The following PSD3 variants were observed in gnomAD, a reference collection of about 807,000 sequenced individuals.
PSD3 encodes PH and SEC7 domain-containing protein 3.
In PSD3, 49 loss-of-function variants were observed where a neutral mutation model predicts 105.5. The observed-to-expected ratio is 0.46, with a 90% CI of 0.37 to 0.59. PSD3 has a LOEUF of 0.59. PSD3 is among the 20% of genes least tolerant of loss of function. The pLI, the probability that PSD3 is intolerant of heterozygous loss-of-function variation, is 0.00. For synonymous variants in PSD3, 557 were observed against 457.8 expected (o/e 1.22, Z -2.77); for missense variants, 1,561 against 1,263.8 (o/e 1.24, Z -3.57).
chr8:18,776,678 G>A (rs146442756), intron 8 of PSD3, among the ~76,000 whole-genome samples: 145 of 152,190 alleles, frequency 9.5e-4, no homozygotes, highest in African/African-American at 3.1e-3. Flanking sequence ...ATCTGGCCTG[G>A]TTCTTCTTTA....
At chr8:18,900,643 CTTTTT>C (rs34004085) in intron 2 of PSD3, among the ~76,000 whole-genome samples, 2 of 83,970 alleles carry the variant, frequency 2.4e-5, no homozygotes, top group Non-Finnish European at 2.2e-5. Context: ...AGAGACAACT[CTTTTT>C]TTTTTTTTTT....
chr8:18,880,412 G>A (rs1474116346), intron 2 of PSD3, among the ~76,000 whole-genome samples: 3 of 152,164 alleles, frequency 2.0e-5, no homozygotes, highest in Non-Finnish European at 4.4e-5. Flanking sequence ...TAGAAAGCTC[G>A]CCTTGGTGGA....
intron 2 of PSD3, among the ~76,000 whole-genome samples, chr8:18,906,022 T>G (rs1278835956): frequency 1.3e-5 from 2 of 152,218 alleles, no homozygotes; most frequent in African/African-American, 4.8e-5. Flanking sequence ...AGAGATTATT[T>G]TATAGTAAAC....
intron 8 of PSD3, among the ~76,000 whole-genome samples, chr8:18,782,302 C>A (rs962828482): frequency 9.2e-5 from 14 of 151,982 alleles, no homozygotes; most frequent in Admixed American, 4.6e-4. Context: ...CTTCATCCAA[C>A]TCTATGGATT....
intron 1 of PSD3, among the ~76,000 whole-genome samples, chr8:19,067,175 T>G (rs1334763320): frequency 6.6e-6 from 1 of 152,216 alleles, no homozygotes; most frequent in African/African-American, 2.4e-5. Flanking sequence ...ATCAGTATTG[T>G]GCTGTGCCTT....
intron 10 of PSD3, among the ~76,000 whole-genome samples, chr8:18,634,555 C>T (rs980094102): frequency 1.3e-5 from 2 of 152,068 alleles, no homozygotes; most frequent in Non-Finnish European, 2.9e-5. Flanking sequence ...TATCCATGAT[C>T]CCACAGTGCA....
chr8:18,719,330 G>C (rs1802801202), intron 9 of PSD3, among the ~76,000 whole-genome samples: 1 of 152,160 alleles, frequency 6.6e-6, no homozygotes, highest in African/African-American at 2.4e-5. Flanking sequence ...TGAGTTTATG[G>C]CTTGTACAAA....
intron 1 of PSD3, among the ~76,000 whole-genome samples, chr8:18,973,712 T>C (rs1015972694): frequency 1.3e-5 from 2 of 152,194 alleles, no homozygotes; most frequent in South Asian, 2.1e-4. Flanking sequence ...AGGATACCAA[T>C]TGGATCTCTA....
chr8:18,858,404 T>C (rs1173869055), intron 4 of PSD3, among the ~76,000 whole-genome samples: 1 of 152,196 alleles, frequency 6.6e-6, no homozygotes, highest in East Asian at 1.9e-4. Flanking sequence ...TGCTGACTGA[T>C]CAGGGTGGTG....
At chr8:18,594,015 C>G (rs1803814596) in intron 12 of PSD3, among the ~76,000 whole-genome samples, 1 of 143,766 alleles carries the variant, frequency 7.0e-6, no homozygotes, top group Non-Finnish European at 1.5e-5. Flanking sequence ...AAGAGACATA[C>G]CTAATGCAAA....
chr8:18,686,394 T>C (rs1054080349), intron 9 of PSD3, among the ~76,000 whole-genome samples: 1 of 152,226 alleles, frequency 6.6e-6, no homozygotes, highest in African/African-American at 2.4e-5. Flanking sequence ...CCTCACACTA[T>C]AGCTGTCTGC....
chr8:18,723,048 A>T (rs1001318425), intron 9 of PSD3, among the ~76,000 whole-genome samples: 1 of 152,224 alleles, frequency 6.6e-6, no homozygotes, highest in Non-Finnish European at 1.5e-5. Flanking sequence ...TGGCATGCAA[A>T]TGGACAAACA....
intron 9 of PSD3, among the ~76,000 whole-genome samples, chr8:18,749,874 G>A (rs1384109638): frequency 6.6e-6 from 1 of 152,166 alleles, no homozygotes; most frequent in African/African-American, 2.4e-5. Flanking sequence ...GCAGTCCTAT[G>A]ACCACACAGA....
At chr8:18,614,042 TA>T (rs1427245626) in intron 11 of PSD3, among the ~76,000 whole-genome samples, 1 of 152,224 alleles carries the variant, frequency 6.6e-6, no homozygotes, top group Non-Finnish European at 1.5e-5. Context: ...TCCTGAATTA[TA>T]ATTCCTAAGG....
intron 14 of PSD3, among the ~76,000 whole-genome samples, chr8:18,568,177 G>A (rs1014087377): frequency 7.2e-5 from 11 of 152,014 alleles, no homozygotes; most frequent in African/African-American, 2.7e-4. Context: ...CTTTCTAAAT[G>A]ACCCAGGCTC....
intron 1 of PSD3, among the ~76,000 whole-genome samples, chr8:18,964,896 G>A (rs1347808945): frequency 6.6e-6 from 1 of 152,112 alleles, no homozygotes; most frequent in African/African-American, 2.4e-5. Context: ...CAGACTTTTT[G>A]CTTTTACAGC....
At chr8:18,953,832 G>A (rs1823394912) in intron 1 of PSD3, among the ~76,000 whole-genome samples, 2 of 151,990 alleles carry the variant, frequency 1.3e-5, no homozygotes, top group African/African-American at 2.4e-5. Flanking sequence ...AGGTAAACTC[G>A]CATATACTGA....
chr8:18,813,298 C>T (rs981833368), intron 4 of PSD3, among the ~76,000 whole-genome samples: 1 of 152,130 alleles, frequency 6.6e-6, no homozygotes, highest in East Asian at 1.9e-4. Context: ...GAAACAAGCA[C>T]TCGTGGAAGA....
At chr8:18,566,920 G>A (rs938235428) in intron 14 of PSD3, among the ~76,000 whole-genome samples, 20 of 152,136 alleles carry the variant, frequency 1.3e-4, no homozygotes, top group African/African-American at 4.8e-4. Flanking sequence ...AAATGTGTGT[G>A]CTTGCCTGTT....
Sources: allele counts gnomAD v4.1 joint callset (sites outside exome capture counted in the v4.1 genomes callset), GRCh38; gene constraint gnomAD v4.1.1; transcripts MANE v1.5; gene names NCBI Gene and HGNC (gene_info 2026-07-23, HGNC 2026-07-21).